NLRP14: variants seen among roughly 807,000 people sequenced by gnomAD.
NLRP14 encodes the protein NLR family pyrin domain containing 14.
In NLRP14, 105 loss-of-function variants were observed where a neutral mutation model predicts 94.7. That is an observed-to-expected ratio of 1.11 (90% CI 0.95 to 1.30). The LOEUF is 1.30. Among genes scored for constraint, NLRP14 ranks in the 50% most tolerant of loss-of-function variants. The pLI is 0.00. For synonymous variants in NLRP14, 508 were observed against 459.9 expected (o/e 1.10, Z -1.34); for missense variants, 1,362 against 1,254.1 (o/e 1.09, Z -1.30).
intron 6 of NLRP14, among the ~76,000 whole-genome samples, chr11:7,056,779 C>A (rs1254009811): frequency 1.3e-5 from 2 of 151,840 alleles, no homozygotes; most frequent in East Asian, 3.9e-4. Flanking sequence ...CCAGAAACTT[C>A]CAAGTAATTT....
the NLRP14 span, chr11:7,089,888 C>T: frequency 1.2e-6 from 2 of 1,612,848 alleles, no homozygotes; most frequent in African/African-American, 1.3e-5. Flanking sequence ...CCTTGAGAGG[C>T]TACAGCGACC....
intron 5 of NLRP14, 107 bp downstream of exon 5, chr11:7,046,939 A>T: frequency 1.2e-6 from 1 of 854,636 alleles, no homozygotes; most frequent in South Asian, 1.3e-5. Context: ...AATACTTACA[A>T]TCCATTTTGT....
chr11:7,076,776 G>A, the NLRP14 span, among the ~76,000 whole-genome samples: 1 of 152,020 alleles, frequency 6.6e-6, no homozygotes, highest in African/African-American at 2.4e-5. Context: ...TATGAGAACA[G>A]AAACCATGAG....
In NLRP14 at chr11:7,038,884, T is replaced by C. The variant is rs747126634; in HGVS notation, c.289+9T>C. The C allele has an allele frequency of 2.3e-5, 37 of 1,612,518 alleles. No homozygotes were observed. The highest frequency in any genetic ancestry group is 1.4e-4 in the South Asian group (13 of 90,712). On this transcript the variant is annotated intron_variant, in intron 2 of 11. Coordinates refer to ENST00000299481, the MANE Select transcript of NLRP14 (RefSeq NM_176822.4). ...GAAAGAAGAGATCAACTGTGAGTGA[T>C]GCTAGGGGCAAATCGGGGGCTAGGC...
the NLRP14 span, chr11:7,089,857 C>T: frequency 1.9e-6 from 3 of 1,612,326 alleles, no homozygotes; most frequent in Non-Finnish European, 8.5e-7. Context: ...TACGGCCACT[C>T]CAGTGTCCGG....
intron 10 of NLRP14, among the ~76,000 whole-genome samples, chr11:7,066,744 TTTTAGTCATGAAGTC>T (rs767475877): frequency 3.3e-5 from 5 of 152,216 alleles, no homozygotes; most frequent in African/African-American, 4.8e-5. Flanking sequence ...GCTTTTGGTG[TTTTAGTCATGAAGTC>T]TTTGTCCATG....
intron 1 of NLRP14, among the ~76,000 whole-genome samples, chr11:7,024,686 G>A (rs546415850): frequency 2.0e-5 from 3 of 152,156 alleles, no homozygotes; most frequent in Admixed American, 2.0e-4. Flanking sequence ...ACAAGTCTAT[G>A]TTATGCTGTA....
At chr11:7,060,188 C>T (rs1352471376) in intron 9 of NLRP14, 124 bp downstream of exon 9, 2 of 878,426 alleles carry the variant, frequency 2.3e-6, no homozygotes, top group Non-Finnish European at 3.8e-6. Flanking sequence ...TTTTCCCTCT[C>T]TCTTCTGCCT....
At chr11:7,090,427 T>A in the NLRP14 span, 1 of 1,204,198 alleles carries the variant, frequency 8.3e-7, no homozygotes, top group Non-Finnish European at 1.2e-6. Flanking sequence ...AATTTCCTGT[T>A]AAGATCGTCT....
intron 1 of NLRP14, among the ~76,000 whole-genome samples, chr11:7,036,650 C>T (rs990565744): frequency 2.0e-5 from 3 of 151,914 alleles, no homozygotes; most frequent in African/African-American, 7.3e-5. Flanking sequence ...AAATTGAATC[C>T]CAAAATGCCC....
At chr11:7,031,364 G>C (rs188512312) in intron 1 of NLRP14, among the ~76,000 whole-genome samples, 2 of 152,330 alleles carry the variant, frequency 1.3e-5, no homozygotes, top group East Asian at 1.9e-4. Context: ...CCAAGAGGAT[G>C]AGCTGCCAGG....
chr11:7,089,201 G>A, the NLRP14 span: 1 of 1,613,906 alleles, frequency 6.2e-7, no homozygotes. Flanking sequence ...TCGAAGCCGA[G>A]TTTGGCAAGT....
chr11:7,089,109 C>T, the NLRP14 span: 5 of 1,612,006 alleles, frequency 3.1e-6, no homozygotes, highest in Admixed American at 3.3e-5. Flanking sequence ...ACCGACCGTT[C>T]GACCGGCAAA....
At position 7,062,476 on chromosome 11, in the gene NLRP14, AT is replaced by A; in HGVS notation, c.2949del (p.Pro984GlnfsTer15). The A allele has an allele frequency of 6.2e-7, 1 of 1,613,144 alleles. No homozygotes were observed. Among genetic ancestry groups the A allele is most frequent in the Non-Finnish European group, 8.5e-7 (1 of 1,179,310 alleles). On this transcript the variant is annotated frameshift_variant, in exon 10 of 12. Coordinates refer to ENST00000299481, the MANE Select transcript of NLRP14 (RefSeq NM_176822.4). LOFTEE classifies it high-confidence loss of function. ...AAAATTCTGTGTGATGCTTTGAGAT[AT>A]CCAAACTGTAACATTCAGAGGCTCG... Reference protein sequence around the residue: ...GVKILCDALRYPNCNIQRLGL... With the variant: ...GVKILCDALRXPNCNIQRLGL...
chr11:7,064,438 G>A (rs1852674761), intron 10 of NLRP14, among the ~76,000 whole-genome samples: 1 of 152,026 alleles, frequency 6.6e-6, no homozygotes, highest in South Asian at 2.1e-4. Flanking sequence ...CAAGGTGTTG[G>A]ATCTAGGAGA....
the NLRP14 span, among the ~76,000 whole-genome samples, chr11:7,082,282 G>A: frequency 2.6e-5 from 4 of 152,178 alleles, no homozygotes; most frequent in South Asian, 6.2e-4. Context: ...TTTGACTATC[G>A]ATATTGGTAT....
At chr11:7,089,084 C>A in the NLRP14 span, 11 of 1,599,950 alleles carry the variant, frequency 6.9e-6, no homozygotes, top group Non-Finnish European at 9.4e-6. Flanking sequence ...GCCTCACCGC[C>A]TCCCACCGCC....
At chr11:7,059,717 G>C (rs1852582881) in intron 8 of NLRP14, among the ~76,000 whole-genome samples, 177 bp from the exon 9 acceptor site, 1 of 151,936 alleles carries the variant, frequency 6.6e-6, no homozygotes, top group Non-Finnish European at 1.5e-5. Flanking sequence ...CTAGTTTGTA[G>C]CCCAATTTGA....
At chr11:7,055,694 C>T (rs2119668614) in intron 6 of NLRP14, among the ~76,000 whole-genome samples, 2 of 152,226 alleles carry the variant, frequency 1.3e-5, no homozygotes, top group South Asian at 4.1e-4. Context: ...CTGACCAACT[C>T]TCAAAGCAGA....
Sources: gnomAD v4.1 joint callset for allele counts (sites outside exome capture counted in the v4.1 genomes callset) on GRCh38, gnomAD v4.1.1 for gene constraint, MANE v1.5 for transcripts, NCBI Gene and HGNC (gene_info 2026-07-23, HGNC 2026-07-21) for gene names.